The following PAX2 variants were observed in gnomAD, a reference collection of about 807,000 sequenced individuals.
The protein encoded by PAX2 is paired box 2.
A neutral mutation model predicts 41.7 loss-of-function variants in PAX2; 9 were observed. The observed-to-expected ratio is 0.22, with a 90% CI of 0.13 to 0.38. The LOEUF (loss-of-function observed/expected upper bound fraction) is 0.38, where lower values mean the gene tolerates loss of function less well. Among genes scored for constraint, PAX2 ranks in the 10% least tolerant of loss-of-function variants. PAX2 has a pLI of 1.00. For missense variants in PAX2, 418 were observed against 531.6 expected, an observed-to-expected ratio of 0.79 and a Z score of 2.10; for synonymous variants, 221 against 212.7, an observed-to-expected ratio of 1.04 and a Z score of -0.34.
intron 3 of PAX2, among the ~76,000 whole-genome samples, chr10:100,759,075 T>TGGCTGAGCAGGAAATGGCAC (rs1180591294): frequency 6.6e-6 from 1 of 152,108 alleles, no homozygotes; most frequent in African/African-American, 2.4e-5. Flanking sequence ...TTGGAGCACA[T>TGGCTGAGCAGGAAATGGCAC]GGCTGAGCAG....
In PAX2 at chr10:100,748,378, G is replaced by C. The variant is rs6584399; in HGVS notation, c.44-1368G>C. The C allele has an allele frequency of 0.19, 184,752 of 983,968 alleles. 28,711 individuals carry two copies. The highest frequency in any genetic ancestry group is 0.78 in the African/African-American group (44,621 of 57,006). The allele number at this position is 983,968 out of a possible 1,614,324, so 61.0% of individuals were successfully genotyped here. A position where few individuals can be genotyped will look rare whatever the true frequency, so the allele number is the denominator to read the frequency against. On this transcript the variant is annotated intron_variant, in intron 1 of 9. Coordinates refer to ENST00000355243, the MANE Select transcript of PAX2 (RefSeq NM_000278.5). This position sits in a 1 kb window ranked among gnomAD's most constrained non-coding sequence, Gnocchi z 5.0. Reference sequence around the variant, plus strand: ...AGGGGCTTCAGTCTCTCCCAGCAACGCGATCAGAGGTCTTTCCCCAGGGTT... The same window carrying C: ...AGGGGCTTCAGTCTCTCCCAGCAACCCGATCAGAGGTCTTTCCCCAGGGTT...
intron 5 of PAX2, among the ~76,000 whole-genome samples, chr10:100,804,271 T>TACACACACACACACACACACACAC (rs10639967): frequency 1.5e-4 from 22 of 147,758 alleles, no homozygotes; most frequent in African/African-American, 5.0e-4. Flanking sequence ...GTTCAGCCCC[T>TACACACACACACACACACACACAC]ACACACACAC....
intron 3 of PAX2, among the ~76,000 whole-genome samples, chr10:100,773,082 G>T: frequency 6.6e-6 from 1 of 152,218 alleles, no homozygotes; most frequent in East Asian, 1.9e-4. Flanking sequence ...AATTTAGCAG[G>T]TAAGGGATTA....
intron 5 of PAX2, among the ~76,000 whole-genome samples, chr10:100,792,132 A>AT (rs1014062770): frequency 4.8e-4 from 73 of 152,256 alleles, no homozygotes; most frequent in African/African-American, 1.2e-3. Flanking sequence ...TAGAGACCGT[A>AT]TTTTTTTTCC....
At chr10:100,744,534 C>A (rs576466528), upstream of PAX2, among the ~76,000 whole-genome samples, 1 of 152,220 alleles carries the variant, frequency 6.6e-6, no homozygotes, top group African/African-American at 2.4e-5. Context: ...GGAGTGGGGA[C>A]GTCCCCGTGG....
chr10:100,772,381 T>A (rs1251839082), intron 3 of PAX2, among the ~76,000 whole-genome samples: 1 of 152,154 alleles, frequency 6.6e-6, no homozygotes, highest in East Asian at 1.9e-4. Context: ...CTCGAACTCC[T>A]GACCTCAAGT....
In PAX2 at chr10:100,807,176, A is replaced by G. The variant is rs74152683; in HGVS notation, c.792+571A>G. 8.9e-3 allele frequency among the ~76,000 whole-genome samples: 1,356 copies of G among 152,244 alleles called. 19 individuals are homozygous for G. The highest frequency in any genetic ancestry group is 0.031 in the African/African-American group (1,269 of 41,526). On this transcript the variant is annotated intron_variant, in intron 6 of 9. Transcript: ENST00000355243. Reference sequence around the variant, plus strand: ...CTGCAGACACTGAGCAGCCCAGGACACATAGCATGGGGCACAGCATGTAAC... The same window carrying G: ...CTGCAGACACTGAGCAGCCCAGGACGCATAGCATGGGGCACAGCATGTAAC...
rs1010286759 is a variant in PAX2 at position 100,738,598 on chromosome 10, G to T, written c.25+2865G>T. 1.1e-3 allele frequency among the ~76,000 whole-genome samples: 172 copies of T among 152,266 alleles called. 1 individual carries two copies. Among genetic ancestry groups the T allele is most frequent in the African/African-American group, 3.6e-3 (151 of 41,556 alleles). On this transcript the variant is annotated intron_variant, in intron 1 of 9. Transcript: ENST00000679374. Reference sequence around the variant, plus strand: ...CCTTAATTGATTCAGAAATTGAAAGGGGCTTCCTCCCTCCATCAGTTTCTT... The same window carrying T: ...CCTTAATTGATTCAGAAATTGAAAGTGGCTTCCTCCCTCCATCAGTTTCTT...
chr10:100,807,590 G>T (rs952755018), intron 6 of PAX2, among the ~76,000 whole-genome samples: 1 of 152,162 alleles, frequency 6.6e-6, no homozygotes, highest in African/African-American at 2.4e-5. Context: ...CCCGGCAGCC[G>T]CATGGAGCCA....
intron 3 of PAX2, among the ~76,000 whole-genome samples, chr10:100,760,164 A>C (rs961966824): frequency 4.6e-5 from 7 of 152,144 alleles, no homozygotes; most frequent in Admixed American, 3.9e-4. Context: ...GTATCTAGCT[A>C]GGCCTGGCTT....
chr10:100,757,689 C>CA (rs1255606477), intron 3 of PAX2, among the ~76,000 whole-genome samples: 4 of 152,220 alleles, frequency 2.6e-5, no homozygotes, highest in Non-Finnish European at 2.9e-5. Context: ...GGCCAGCCTG[C>CA]AAGTCTTTCC....
intron 3 of PAX2, among the ~76,000 whole-genome samples, chr10:100,759,303 G>A (rs1240833957): frequency 6.6e-6 from 1 of 152,204 alleles, no homozygotes; most frequent in Non-Finnish European, 1.5e-5. Context: ...TGGAGCGAAG[G>A]AAATGGCATG....
chr10:100,788,941 G>T (rs1003448784), intron 5 of PAX2, among the ~76,000 whole-genome samples: 6 of 152,042 alleles, frequency 3.9e-5, no homozygotes, highest in African/African-American at 1.4e-4. Context: ...TTTTGCTAGA[G>T]AAGACGGGGA....
At chr10:100,821,382 A>C (rs1461629048) in intron 7 of PAX2, among the ~76,000 whole-genome samples, 1 of 152,248 alleles carries the variant, frequency 6.6e-6, no homozygotes, top group Non-Finnish European at 1.5e-5. Flanking sequence ...ACTCCGCAGC[A>C]GCAGGTGCAC....
At position 100,827,512 on chromosome 10, in the gene PAX2, C is replaced by G. The variant is rs1848617355; in HGVS notation, c.1109-31C>G. ...TTGTTCTCCTGTTTGTCCTCTCACC[C>G]AGCCCATTCTTCTCCTGTGTTAACT... is the stretch of plus-strand genomic sequence containing the variant. On this transcript the variant is annotated intron_variant, in intron 9 of 9. Coordinates refer to ENST00000355243, the MANE Select transcript of PAX2 (RefSeq NM_000278.5). The surrounding 1 kb of genome is among the most constrained non-coding windows in gnomAD (Gnocchi z 8.5). 6.2e-7 allele frequency: 1 copy of G among 1,608,612 alleles called. No individual in the cohort carries two copies. The highest frequency in any genetic ancestry group is 1.3e-5 in the African/African-American group (1 of 74,796).
intron 3 of PAX2, among the ~76,000 whole-genome samples, chr10:100,768,720 T>A (rs1348579064): frequency 6.6e-6 from 1 of 152,182 alleles, no homozygotes; most frequent in Non-Finnish European, 1.5e-5. Context: ...GACATTGAAG[T>A]CACAAGCCTG....
intron 7 of PAX2, among the ~76,000 whole-genome samples, chr10:100,823,186 C>G (rs373799130): frequency 6.6e-6 from 1 of 152,000 alleles, no homozygotes; most frequent in African/African-American, 2.4e-5. Flanking sequence ...AGAAGGACTC[C>G]AAAGTTTTTG....
chr10:100,785,038 A>G (rs1318645565), intron 5 of PAX2, among the ~76,000 whole-genome samples: 2 of 152,236 alleles, frequency 1.3e-5, no homozygotes, highest in Non-Finnish European at 2.9e-5. Flanking sequence ...CCGAGAAGGT[A>G]GAATCCCCAT....
chr10:100,825,033 A>T (rs1377677335), intron 8 of PAX2: 1 of 1,446,284 alleles, frequency 6.9e-7, no homozygotes, highest in Non-Finnish European at 9.7e-7. Flanking sequence ...TCTGTGCCCG[A>T]GGAGCACTCA....
Sources: gnomAD v4.1 joint callset for allele counts (sites outside exome capture counted in the v4.1 genomes callset) on GRCh38, gnomAD v4.1.1 for gene constraint, Gnocchi (gnomAD v3.1) non-coding constraint, MANE v1.5 for transcripts, NCBI Gene and HGNC (gene_info 2026-07-23, HGNC 2026-07-21) for gene names.